Variants in RALA observed in about 807,000 individuals in gnomAD.
The protein encoded by RALA is ras-related protein Ral-A.
In RALA, 5 loss-of-function variants were observed where a neutral mutation model predicts 24.0. The ratio of observed to expected loss-of-function variants is 0.21; its 90% confidence interval spans 0.11 to 0.44. RALA has a LOEUF of 0.44. RALA is among the 20% of genes least tolerant of loss of function. RALA has a pLI of 0.99. For missense variants in RALA, 95 were observed against 241.2 expected (o/e 0.39, Z 4.01); for synonymous variants, 77 against 83.8 (o/e 0.92, Z 0.44).
At chr7:39,663,637 A>G (rs1029025824) in intron 1 of RALA, among the ~76,000 whole-genome samples, 35 of 152,082 alleles carry the variant, frequency 2.3e-4, no homozygotes, top group African/African-American at 8.2e-4. Flanking sequence ...TGTAAAAAAA[A>G]AAAAAAGAAA....
Position 39,690,548 on chromosome 7 carries a change from C to G in RALA, c.281C>G (p.Ser94Cys). 1 of 1,613,834 alleles carries G rather than the reference C, an allele frequency of 6.2e-7. No homozygotes were observed. Among genetic ancestry groups the G allele is most frequent in the South Asian group, 1.1e-5 (1 of 91,062 alleles). Residue 94 changes from serine (S) to cysteine (C), a missense_variant, in exon 3 of 5, where the codon TCT (serine) becomes TGT (cysteine). Coordinates refer to ENST00000005257, the MANE Select transcript of RALA (RefSeq NM_005402.4). Reference protein sequence around the residue: ...RSGEGFLCVFSITEMESFAAT... With the variant: ...RSGEGFLCVFCITEMESFAAT... ...GGGGAGGGGTTCCTCTGTGTTTTCT[C>G]TATTACAGAAATGGAATCCTTTGCA...
rs775647529 is a variant in RALA at position 39,690,588 on chromosome 7, C to T, written c.321C>T (p.Phe107=). The T allele has an allele frequency of 1.2e-6, 2 of 1,604,878 alleles. No individual in the cohort carries two copies. Among genetic ancestry groups the T allele is most frequent in the East Asian group, 4.5e-5 (2 of 44,814 alleles). Residue 107 remains phenylalanine (F), a splice_region_variant and synonymous_variant, in exon 3 of 5, where the codon TTC becomes TTT. Coordinates refer to ENST00000005257, the MANE Select transcript of RALA (RefSeq NM_005402.4). ...AATCCTTTGCAGCTACAGCTGACTT[C>T]AGGTATGTCCTAGAGTAATGTTGTT... The part of the protein sequence containing the change: ...EMESFAATAD[F]REQILRVKED...
At chr7:39,641,363 G>C (rs1007079506) in intron 1 of RALA, among the ~76,000 whole-genome samples, 1 of 152,034 alleles carries the variant, frequency 6.6e-6, no homozygotes, top group African/African-American at 2.4e-5. Flanking sequence ...TATGATACTT[G>C]GTTTATGCTA....
chr7:39,699,604 G>C (rs551814621), intron 4 of RALA, among the ~76,000 whole-genome samples: 20 of 152,336 alleles, frequency 1.3e-4, no homozygotes, highest in African/African-American at 4.8e-4. Context: ...AAAAAGAAAT[G>C]AGGATAGAAC....
chr7:39,641,241 A>G (rs368567699), intron 1 of RALA, among the ~76,000 whole-genome samples: 4 of 152,176 alleles, frequency 2.6e-5, no homozygotes, highest in African/African-American at 9.7e-5. Context: ...AAAGTAATGA[A>G]TAGAAGGTTA....
At chr7:39,676,120 C>T (rs374950992) in intron 1 of RALA, among the ~76,000 whole-genome samples, 26 of 152,200 alleles carry the variant, frequency 1.7e-4, no homozygotes, top group East Asian at 7.7e-4. Flanking sequence ...GGACTACAGG[C>T]GCCCACCACC....
chr7:39,637,447 TTA>T (rs1468918574), intron 1 of RALA, among the ~76,000 whole-genome samples: 1 of 152,232 alleles, frequency 6.6e-6, no homozygotes, highest in Non-Finnish European at 1.5e-5. Context: ...CACCAATTCA[TTA>T]TGTTACTTTG....
At chr7:39,677,802 C>T (rs1485737967) in intron 1 of RALA, among the ~76,000 whole-genome samples, 2 of 1,630 alleles carry the variant, frequency 1.2e-3, no homozygotes, top group African/African-American at 4.7e-3. Context: ...TCTCTGATGG[C>T]CAGTGATGAG....
At chr7:39,633,397 G>A (rs1791629519) in intron 1 of RALA, among the ~76,000 whole-genome samples, 1 of 152,204 alleles carries the variant, frequency 6.6e-6, no homozygotes, top group South Asian at 2.1e-4. Flanking sequence ...GAGAGAAGGG[G>A]AGAGAGAGAA....
chr7:39,683,997 A>ATGATCAGCAAG (rs1238726129), intron 1 of RALA, among the ~76,000 whole-genome samples: 1 of 152,222 alleles, frequency 6.6e-6, no homozygotes, highest in African/African-American at 2.4e-5. Flanking sequence ...AATGATCATA[A>ATGATCAGCAAG]TAAAGAAGTC....
chr7:39,693,825 A>G (rs1348601926), intron 3 of RALA, among the ~76,000 whole-genome samples: 1 of 152,218 alleles, frequency 6.6e-6, no homozygotes, highest in Non-Finnish European at 1.5e-5. Context: ...TTTGACTTCT[A>G]AAAGGATGTT....
chr7:39,632,432 C>T (rs1791613806), intron 1 of RALA, among the ~76,000 whole-genome samples: 1 of 152,164 alleles, frequency 6.6e-6, no homozygotes, highest in South Asian at 2.1e-4. Flanking sequence ...CATGGATATA[C>T]AAATGTGTAC....
chr7:39,641,175 G>A (rs1051827014), intron 1 of RALA, among the ~76,000 whole-genome samples: 1 of 152,102 alleles, frequency 6.6e-6, no homozygotes. Flanking sequence ...CAAATCATAT[G>A]TCTACTTCTT....
chr7:39,698,542 A>G (rs1429610582), intron 4 of RALA, among the ~76,000 whole-genome samples: 2 of 152,260 alleles, frequency 1.3e-5, no homozygotes, highest in African/African-American at 4.8e-5. Flanking sequence ...TTTTTAAAAT[A>G]CTAATGAAAA....
At chr7:39,634,422 G>A (rs757200416) in intron 1 of RALA, among the ~76,000 whole-genome samples, 17 of 152,254 alleles carry the variant, frequency 1.1e-4, no homozygotes, top group Middle Eastern at 3.4e-3. Flanking sequence ...TACCCTGATG[G>A]CACACTTCAG....
intron 1 of RALA, among the ~76,000 whole-genome samples, chr7:39,636,952 T>G (rs1252250978): frequency 6.6e-6 from 1 of 152,192 alleles, no homozygotes; most frequent in Non-Finnish European, 1.5e-5. Flanking sequence ...AGTCACCTCC[T>G]ACCAGGTCCA....
intron 4 of RALA, among the ~76,000 whole-genome samples, chr7:39,698,662 A>G (rs1792963597): frequency 6.6e-6 from 1 of 152,220 alleles, no homozygotes; most frequent in African/African-American, 2.4e-5. Flanking sequence ...AGAACACACT[A>G]TAAAAACTAT....
chr7:39,637,140 TACTG>T (rs1281695631), intron 1 of RALA, among the ~76,000 whole-genome samples: 1 of 152,256 alleles, frequency 6.6e-6, no homozygotes, highest in Non-Finnish European at 1.5e-5. Context: ...TCATAGTGAA[TACTG>T]ACATTGTCTA....
intron 1 of RALA, among the ~76,000 whole-genome samples, chr7:39,638,152 G>T (rs1005362056): frequency 6.6e-6 from 1 of 152,134 alleles, no homozygotes; most frequent in African/African-American, 2.4e-5. Context: ...AGGCTGGAGT[G>T]CAATGGTGTG....
Sources: allele counts gnomAD v4.1 joint callset (sites outside exome capture counted in the v4.1 genomes callset), GRCh38; gene constraint gnomAD v4.1.1; transcripts MANE v1.5; gene names NCBI Gene and HGNC (gene_info 2026-07-23, HGNC 2026-07-21).